Variants in GRID2 observed in about 807,000 individuals in gnomAD.
GRID2 encodes glutamate ionotropic receptor delta type subunit 2, also known as glutamate receptor ionotropic, delta-2.
GRID2 carries 33 observed loss-of-function variants against 114.8 expected under a neutral mutation model. The ratio of observed to expected loss-of-function variants is 0.29; its 90% CI spans 0.22 to 0.38. The LOEUF (loss-of-function observed/expected upper bound fraction) is 0.38, where lower values mean the gene tolerates loss of function less well. Among genes scored for constraint, GRID2 ranks in the 10% least tolerant of loss-of-function variants. GRID2 has a pLI of 1.00. For synonymous variants in GRID2, 505 were observed against 449.9 expected, an observed-to-expected ratio of 1.12 and a Z score of -1.55; for missense variants, 1,184 against 1,257.7, an observed-to-expected ratio of 0.94 and a Z score of 0.89.
At chr4:93,698,954 A>G (rs1033481108) in intron 14 of GRID2, among the ~76,000 whole-genome samples, 2 of 152,052 alleles carry the variant, frequency 1.3e-5, no homozygotes, top group Non-Finnish European at 2.9e-5. Context: ...TAACTTGCAA[A>G]TTGGTGACCA....
chr4:93,001,999 G>A (rs1016430770), intron 2 of GRID2, among the ~76,000 whole-genome samples: 5 of 150,966 alleles, frequency 3.3e-5, no homozygotes, highest in African/African-American at 1.2e-4. Context: ...ACACTTTTTT[G>A]TGCAGGTATC....
chr4:93,729,727 G>T (rs559295016), intron 14 of GRID2, among the ~76,000 whole-genome samples: 18 of 151,434 alleles, frequency 1.2e-4, no homozygotes, highest in African/African-American at 4.4e-4. Flanking sequence ...TATATTTTTA[G>T]TAGAGATGGA....
intron 5 of GRID2, among the ~76,000 whole-genome samples, chr4:93,213,625 A>C (rs1481842923): frequency 6.6e-6 from 1 of 152,114 alleles, no homozygotes; most frequent in Non-Finnish European, 1.5e-5. Flanking sequence ...TTTTAGTCTA[A>C]ATTGGCATCT....
downstream of GRID2, among the ~76,000 whole-genome samples, chr4:93,776,148 A>G (rs938040239): frequency 6.6e-6 from 1 of 152,216 alleles, no homozygotes; most frequent in Non-Finnish European, 1.5e-5. Flanking sequence ...GATGACTGAT[A>G]AAGTACAATG....
chr4:92,541,148 T>C (rs1351871843), intron 1 of GRID2, among the ~76,000 whole-genome samples: 1 of 149,048 alleles, frequency 6.7e-6, no homozygotes, highest in African/African-American at 2.5e-5. Flanking sequence ...TGTTGTAGGG[T>C]GGGGAGAGGG....
chr4:93,022,881 A>T (rs553305128), intron 2 of GRID2, among the ~76,000 whole-genome samples: 119 of 151,868 alleles, frequency 7.8e-4, no homozygotes, highest in African/African-American at 2.3e-3. Context: ...ATGTTCATTT[A>T]AAAAAAATTC....
intron 2 of GRID2, among the ~76,000 whole-genome samples, chr4:92,941,138 G>C (rs1404814097): frequency 5.3e-5 from 8 of 152,308 alleles, no homozygotes; most frequent in African/African-American, 1.2e-4. Context: ...GTTTCAGAAG[G>C]AATGGTACCA....
chr4:93,644,914 T>G (rs1721970356), intron 14 of GRID2, among the ~76,000 whole-genome samples: 1 of 152,146 alleles, frequency 6.6e-6, no homozygotes, highest in African/African-American at 2.4e-5. Context: ...AGGAATTGAC[T>G]AGACGAGAGA....
At chr4:92,432,710 C>A (rs1455957803) in intron 1 of GRID2, among the ~76,000 whole-genome samples, 3 of 152,084 alleles carry the variant, frequency 2.0e-5, no homozygotes, top group Non-Finnish European at 2.9e-5. Context: ...AATCAGGAAC[C>A]CCATGAGCCT....
intron 2 of GRID2, among the ~76,000 whole-genome samples, chr4:92,692,791 G>A (rs565283110): frequency 6.6e-6 from 1 of 152,276 alleles, no homozygotes; most frequent in South Asian, 2.1e-4. Context: ...GGGAGGCAGA[G>A]GTGGGTGAAT....
chr4:93,680,085 A>T lies in GRID2; in HGVS notation c.2360+53650A>T, dbSNP rs569534578. Among the ~76,000 whole-genome samples the T allele has an allele frequency of 7.3e-4, 110 of 150,508 alleles. 5 individuals carry two copies. In the South Asian group the frequency reaches 0.022, roughly 30 times the overall value. On this transcript the variant is annotated intron_variant, in intron 14 of 15. Coordinates refer to ENST00000282020, the MANE Select transcript of GRID2 (RefSeq NM_001510.4). The stretch of plus-strand genomic sequence containing the variant: ...AATCAAATAGATGCAATAAAAAATG[A>T]TAAAGGGGATATCACTGCCAATCCC...
chr4:93,556,988 A>G (rs1734384483), intron 13 of GRID2, among the ~76,000 whole-genome samples: 1 of 152,200 alleles, frequency 6.6e-6, no homozygotes, highest in African/African-American at 2.4e-5. Context: ...ATCCAGCCAA[A>G]CTAAGCTTCA....
At chr4:92,516,827 C>G (rs1724524886) in intron 1 of GRID2, among the ~76,000 whole-genome samples, 1 of 151,854 alleles carries the variant, frequency 6.6e-6, no homozygotes, top group South Asian at 2.1e-4. Flanking sequence ...TATACCCTTT[C>G]CAGGAATACA....
intron 2 of GRID2, among the ~76,000 whole-genome samples, chr4:93,053,785 G>A (rs969112794): frequency 1.3e-5 from 2 of 151,924 alleles, no homozygotes; most frequent in East Asian, 3.9e-4. Flanking sequence ...AAAAGGAGTA[G>A]AGGAGACTGG....
intron 13 of GRID2, among the ~76,000 whole-genome samples, chr4:93,598,854 C>T (rs1406445404): frequency 6.6e-6 from 1 of 152,026 alleles, no homozygotes; most frequent in Non-Finnish European, 1.5e-5. Context: ...GAGATTGAAG[C>T]AAGAATTGTA....
At chr4:92,452,650 T>G (rs867342582) in intron 1 of GRID2, among the ~76,000 whole-genome samples, 6 of 151,936 alleles carry the variant, frequency 3.9e-5, no homozygotes, top group Non-Finnish European at 7.4e-5. Flanking sequence ...AATGTAAGTT[T>G]TTTATGAAGT....
chr4:93,425,979 T>C (rs1768805298), intron 10 of GRID2, among the ~76,000 whole-genome samples: 1 of 152,156 alleles, frequency 6.6e-6, no homozygotes, highest in South Asian at 2.1e-4. Context: ...ATAGGGCTAG[T>C]CCAATAAAAG....
intron 1 of GRID2, among the ~76,000 whole-genome samples, chr4:92,393,700 TG>T (rs1408532119): frequency 1.3e-5 from 2 of 152,156 alleles, no homozygotes; most frequent in Non-Finnish European, 2.9e-5. Flanking sequence ...TCTTTAGTTT[TG>T]GGGAAACTTA....
At chr4:93,484,184 A>G (rs909937915) in intron 11 of GRID2, among the ~76,000 whole-genome samples, 5 of 151,908 alleles carry the variant, frequency 3.3e-5, no homozygotes, top group Non-Finnish European at 5.9e-5. Context: ...ATTACCAGCA[A>G]TGGTCCACCT....
Sources: allele counts gnomAD v4.1 joint callset (sites outside exome capture counted in the v4.1 genomes callset), GRCh38; gene constraint gnomAD v4.1.1; transcripts MANE v1.5; gene names NCBI Gene and HGNC (gene_info 2026-07-23, HGNC 2026-07-21).